The following CPVL variants were observed in gnomAD, a reference collection of about 807,000 sequenced individuals.
The protein encoded by CPVL is carboxypeptidase vitellogenic like, also known as probable serine carboxypeptidase CPVL.
In CPVL, 51 loss-of-function variants were observed where a neutral mutation model predicts 63.7. The ratio of observed to expected loss-of-function variants is 0.80; its 90% CI spans 0.64 to 1.01. The LOEUF is 1.01. Ranked by LOEUF, CPVL falls within the 50% of genes least tolerant of loss-of-function variation. The pLI is 0.00. For missense variants in CPVL, 530 were observed against 573.1 expected (o/e 0.92, Z 0.77); for synonymous variants, 195 against 206.0 (o/e 0.95, Z 0.46).
chr7:29,033,337 T>A (rs574892421), intron 11 of CPVL, among the ~76,000 whole-genome samples: 1 of 152,234 alleles, frequency 6.6e-6, no homozygotes, highest in East Asian at 1.9e-4. Context: ...TGGCTGAGCA[T>A]GAGAAGCAGG....
intron 12 of CPVL, among the ~76,000 whole-genome samples, chr7:29,005,862 A>G (rs893633513): frequency 1.3e-5 from 2 of 152,228 alleles, no homozygotes; most frequent in South Asian, 2.1e-4. Context: ...AATCCAGTTC[A>G]TTATTTATAC....
At chr7:29,051,399 G>C (rs1195422783) in intron 11 of CPVL, among the ~76,000 whole-genome samples, 4 of 151,974 alleles carry the variant, frequency 2.6e-5, no homozygotes, top group Non-Finnish European at 5.9e-5. Flanking sequence ...AAATCAGTAA[G>C]TAAAAAACAA....
chr7:29,194,803 G>A, intron 1 of CPVL: 2 of 653,614 alleles, frequency 3.1e-6, no homozygotes, highest in Non-Finnish European at 4.5e-6. Context: ...GGCAGAGTCC[G>A]GAGGCTGGTG....
At chr7:29,102,656 C>T (rs1013490885) in intron 3 of CPVL, among the ~76,000 whole-genome samples, 10 of 152,006 alleles carry the variant, frequency 6.6e-5, no homozygotes, top group African/African-American at 1.2e-4. Context: ...AGGGTCGGCC[C>T]GCGGGTCCCA....
At chr7:29,148,216 C>G (rs1278668087), upstream of CPVL, among the ~76,000 whole-genome samples, 2 of 152,214 alleles carry the variant, frequency 1.3e-5, no homozygotes, top group African/African-American at 4.8e-5. Context: ...GGGCCCTGGA[C>G]AAGGGCTCCT....
chr7:29,093,635 C>A (rs1425063975), intron 5 of CPVL, among the ~76,000 whole-genome samples: 1 of 152,204 alleles, frequency 6.6e-6, no homozygotes, highest in Admixed American at 6.5e-5. Flanking sequence ...AGAAACTGAA[C>A]TGCAAATTCA....
chr7:29,181,125 A>C (rs528896795), intron 5 of CPVL, among the ~76,000 whole-genome samples: 33 of 152,336 alleles, frequency 2.2e-4, no homozygotes, highest in African/African-American at 7.9e-4. Flanking sequence ...TTTAAAATAT[A>C]TTCTAATTCT....
rs546999954 is a variant in CPVL, at chr7:29,183,080, A to G, written c.-134+1341T>C. ...CGAAGGCAACTGGAAAACATGGCAGACTTTTTTTTTTTTTTTTTTTTGAAA... is the reference window on the plus strand; with the variant it reads ...CGAAGGCAACTGGAAAACATGGCAGGCTTTTTTTTTTTTTTTTTTTTGAAA... On this transcript the variant is annotated intron_variant, in intron 4 of 16. Coordinates refer to the CPVL transcript ENST00000409850. Among the ~76,000 whole-genome samples, 165 of 122,624 alleles carry G rather than the reference A, an allele frequency of 1.3e-3. 1 individual carries two copies. The highest frequency in any genetic ancestry group is 5.2e-3 in the African/African-American group (159 of 30,710). 80.4% of individuals were successfully genotyped at this position (122,624 alleles called of 152,430 possible). A position where few individuals can be genotyped will look rare whatever the true frequency, so the allele number is the denominator to read the frequency against.
At chr7:29,094,157 A>G (rs1049708054) in intron 5 of CPVL, among the ~76,000 whole-genome samples, 1 of 152,158 alleles carries the variant, frequency 6.6e-6, no homozygotes, top group Non-Finnish European at 1.5e-5. Context: ...CCTGGCCAAC[A>G]TGGTGAAATC....
At chr7:29,189,289 C>T (rs1799110215) in intron 1 of CPVL, among the ~76,000 whole-genome samples, 2 of 152,040 alleles carry the variant, frequency 1.3e-5, no homozygotes, top group African/African-American at 4.8e-5. Context: ...GCCTCGTATA[C>T]TCCCTGGCAC....
intron 5 of CPVL, among the ~76,000 whole-genome samples, chr7:29,152,204 G>T (rs1243499082): frequency 6.6e-6 from 1 of 152,190 alleles, no homozygotes; most frequent in Non-Finnish European, 1.5e-5. Context: ...GGTATTTCTT[G>T]GTAGGAATGC....
chr7:29,146,881 A>C, upstream of CPVL: 1 of 1,551,212 alleles, frequency 6.4e-7, no homozygotes, highest in East Asian at 2.4e-5. Flanking sequence ...TTACATTTGG[A>C]AAGCGAGTGG....
intron 5 of CPVL, among the ~76,000 whole-genome samples, chr7:29,172,091 C>A (rs1238640167): frequency 6.6e-6 from 1 of 152,118 alleles, no homozygotes; most frequent in Non-Finnish European, 1.5e-5. Flanking sequence ...AGCAGTATCA[C>A]GTTTATACGC....
chr7:29,172,398 G>A (rs1285069260), intron 5 of CPVL, among the ~76,000 whole-genome samples: 1 of 152,084 alleles, frequency 6.6e-6, no homozygotes, highest in Non-Finnish European at 1.5e-5. Flanking sequence ...AGTGTCTAAA[G>A]TTTTCTTAAT....
At chr7:29,008,143 G>A (rs1056468906) in intron 12 of CPVL, among the ~76,000 whole-genome samples, 4 of 152,180 alleles carry the variant, frequency 2.6e-5, no homozygotes, top group Non-Finnish European at 5.9e-5. Context: ...AAGGCAAGAG[G>A]AGGGAATCCC....
intron 5 of CPVL, among the ~76,000 whole-genome samples, chr7:29,156,547 C>T (rs143830928): frequency 9.9e-4 from 150 of 152,222 alleles, no homozygotes; most frequent in Non-Finnish European, 1.8e-3. Context: ...GAAATTTTGC[C>T]CTGAGGCATC....
chr7:29,025,147 T>C (rs543813744), intron 12 of CPVL, among the ~76,000 whole-genome samples: 2 of 152,274 alleles, frequency 1.3e-5, no homozygotes, highest in South Asian at 4.1e-4. Context: ...AAAAATAAAA[T>C]ATGATCTAAC....
At chr7:29,154,341 C>T (rs1794042231) in intron 5 of CPVL, among the ~76,000 whole-genome samples, 1 of 152,198 alleles carries the variant, frequency 6.6e-6, no homozygotes, top group Non-Finnish European at 1.5e-5. Flanking sequence ...CAGCCTCTAG[C>T]ATGTCTGTAT....
intron 2 of CPVL, among the ~76,000 whole-genome samples, chr7:29,115,359 T>C (rs1043708278): frequency 2.0e-5 from 3 of 152,160 alleles, no homozygotes; most frequent in Non-Finnish European, 4.4e-5. Flanking sequence ...CAATGAGGTC[T>C]ATCCCTCCTC....
Sources: gnomAD v4.1 joint callset for allele counts (sites outside exome capture counted in the v4.1 genomes callset) on GRCh38, gnomAD v4.1.1 for gene constraint, MANE v1.5 for transcripts, NCBI Gene and HGNC (gene_info 2026-07-23, HGNC 2026-07-21) for gene names.